Variants in MAPK8 observed in about 807,000 individuals in gnomAD.
MAPK8 encodes the protein JUN N-terminal kinase.
In MAPK8, 13 loss-of-function variants were observed where a neutral mutation model predicts 52.9. That is an observed-to-expected ratio of 0.25 (90% CI 0.16 to 0.39). The LOEUF (loss-of-function observed/expected upper bound fraction) is 0.39, where lower values mean the gene tolerates loss of function less well. MAPK8 is among the 10% of genes least tolerant of loss of function. The pLI is 1.00. For missense variants in MAPK8, 300 were observed against 519.2 expected (o/e 0.58, Z 4.10); for synonymous variants, 191 against 169.8 (o/e 1.12, Z -0.97).
At chr10:48,404,135 A>G (rs1283857998) in intron 2 of MAPK8, among the ~76,000 whole-genome samples, 1 of 150,796 alleles carries the variant, frequency 6.6e-6, no homozygotes, top group African/African-American at 2.4e-5. Context: ...GTGTTTACAT[A>G]GAATTATTCA....
Position 48,437,724 on chromosome 10 carries a change from G to T in MAPK8, c.*2695G>T, listed in dbSNP as rs1017025343. ...CCTTTGGCTGCTAATTGTTCCTGAC[G>T]TGCACTCTTCCGAGTTGGTAAAGGC... On this transcript the variant is annotated 3_prime_UTR_variant, in exon 12 of 12. Coordinates refer to ENST00000374189, the MANE Select transcript of MAPK8 (RefSeq NM_001323329.2). The T allele has an allele frequency of 6.6e-6, 1 of 152,284 alleles. No individual in the cohort carries two copies. Among genetic ancestry groups the T allele is most frequent in the African/African-American group, 2.4e-5 (1 of 41,554 alleles). 9.4% of individuals were successfully genotyped at this position (152,284 alleles called of 1,614,324 possible).
intron 1 of MAPK8, among the ~76,000 whole-genome samples, chr10:48,320,211 CTTTTTTT>C (rs71026206): frequency 6.2e-4 from 22 of 35,314 alleles, no homozygotes; most frequent in East Asian, 2.2e-3. Flanking sequence ...ACTGCTCGGC[CTTTTTTT>C]TTTTTTTTTT....
Position 48,372,948 on chromosome 10 carries a change from T to A in MAPK8, c.-49-28664T>A, listed in dbSNP as rs573132533. Among the ~76,000 whole-genome samples the A allele has an allele frequency of 1.5e-3, 224 of 151,884 alleles. 1 individual carries two copies. Among genetic ancestry groups the A allele is most frequent in the Non-Finnish European group, 2.5e-3 (167 of 67,932 alleles). ...ACACATAATTGCCAATTCATCAAGG[T>A]TGAAATGAAGGAAAAAATCTTAAGG... On this transcript the variant is annotated intron_variant, in intron 1 of 11. Coordinates refer to ENST00000374189, the MANE Select transcript of MAPK8 (RefSeq NM_001323329.2).
intron 5 of MAPK8, among the ~76,000 whole-genome samples, chr10:48,414,568 ATTTTTTTTTTTTT>A (rs3047769): frequency 3.4e-5 from 3 of 88,446 alleles, no homozygotes; most frequent in African/African-American, 9.4e-5. Flanking sequence ...GTTGAAAAGA[ATTTTTTTTTTTTT>A]TTTTTTTTTT....
chr10:48,371,490 G>A (rs1848522458), intron 1 of MAPK8, among the ~76,000 whole-genome samples: 1 of 152,034 alleles, frequency 6.6e-6, no homozygotes, highest in African/African-American at 2.4e-5. Flanking sequence ...ACTTTACTGT[G>A]TTATAGTTTA....
intron 10 of MAPK8, among the ~76,000 whole-genome samples, chr10:48,428,320 G>A (rs1175832562): frequency 6.6e-6 from 1 of 152,132 alleles, no homozygotes; most frequent in Admixed American, 6.5e-5. Context: ...GTCCTTCAGT[G>A]TTTTGACCAC....
chr10:48,385,517 G>A (rs1190768423), intron 1 of MAPK8, among the ~76,000 whole-genome samples: 2 of 152,082 alleles, frequency 1.3e-5, no homozygotes, highest in Non-Finnish European at 2.9e-5. Context: ...ATGATTAGAC[G>A]AGAAATACTT....
intron 1 of MAPK8, among the ~76,000 whole-genome samples, chr10:48,356,899 CAAAAAAAAAAA>C (rs201368039): frequency 2.1e-5 from 1 of 47,242 alleles, no homozygotes; most frequent in South Asian, 7.6e-4. Context: ...CGTAGTTTAC[CAAAAAAAAAAA>C]AAAAAAAAGT....
At chr10:48,378,682 A>G (rs1043736143) in intron 1 of MAPK8, among the ~76,000 whole-genome samples, 1 of 152,040 alleles carries the variant, frequency 6.6e-6, no homozygotes, top group Non-Finnish European at 1.5e-5. Context: ...TAGTTTTCTT[A>G]TGAAACGTGA....
intron 1 of MAPK8, among the ~76,000 whole-genome samples, chr10:48,386,655 G>T (rs2041329934): frequency 6.6e-6 from 1 of 152,082 alleles, no homozygotes; most frequent in African/African-American, 2.4e-5. Context: ...ACTTATATTT[G>T]TTATTGTTTA....
chr10:48,378,136 C>T (rs772995610), intron 1 of MAPK8, among the ~76,000 whole-genome samples: 4 of 152,122 alleles, frequency 2.6e-5, no homozygotes, highest in Non-Finnish European at 4.4e-5. Context: ...TCTTTCTTCT[C>T]GAAAGCATTG....
intron 1 of MAPK8, among the ~76,000 whole-genome samples, chr10:48,326,538 C>T (rs1843540801): frequency 6.6e-6 from 1 of 152,000 alleles, no homozygotes; most frequent in Admixed American, 6.5e-5. Flanking sequence ...GATCTAGGTG[C>T]CCTTGTTGCT....
intron 1 of MAPK8, among the ~76,000 whole-genome samples, chr10:48,376,184 T>TA (rs2040649784): frequency 6.6e-6 from 1 of 152,168 alleles, no homozygotes; most frequent in South Asian, 2.1e-4. Context: ...TGGCTAGCCA[T>TA]ATGCAGAAAG....
At chr10:48,428,799 G>C (rs757839480) in intron 10 of MAPK8, among the ~76,000 whole-genome samples, 1 of 151,974 alleles carries the variant, frequency 6.6e-6, no homozygotes, top group Non-Finnish European at 1.5e-5. Flanking sequence ...GTAGAATCTT[G>C]TGGTTTTTTT....
intron 1 of MAPK8, among the ~76,000 whole-genome samples, chr10:48,345,733 T>C (rs1845708496): frequency 2.6e-5 from 4 of 152,034 alleles, no homozygotes; most frequent in African/African-American, 9.7e-5. Flanking sequence ...CCAGATAATA[T>C]CACAGTAAAA....
chr10:48,388,936 T>C (rs1054063142), intron 1 of MAPK8, among the ~76,000 whole-genome samples: 15 of 152,020 alleles, frequency 9.9e-5, no homozygotes, highest in Non-Finnish European at 1.6e-4. Context: ...GAAAAGTGTA[T>C]GTCCGGAGAG....
chr10:48,392,637 A>G (rs925349970), intron 1 of MAPK8, among the ~76,000 whole-genome samples: 5 of 151,316 alleles, frequency 3.3e-5, no homozygotes, highest in Non-Finnish European at 5.9e-5. Context: ...TGAGAAACCT[A>G]TTTTCTTTCT....
rs1164186950 is a variant in MAPK8 at position 48,338,544 on chromosome 10, A to G, written c.-50+31723A>G. Among the ~76,000 whole-genome samples the G allele has an allele frequency of 4.6e-5, 7 of 152,262 alleles. No homozygotes were observed. The South Asian group carries it at 1.4e-3, about 32-fold the overall frequency. On this transcript the variant is annotated intron_variant, in intron 1 of 11. Transcript: ENST00000374189. ...CAAGACAAGGATGTCCACTCTCACCATTCCTTTTCAACATAGTACTAGAAG... is the reference window on the plus strand; with the variant it reads ...CAAGACAAGGATGTCCACTCTCACCGTTCCTTTTCAACATAGTACTAGAAG...
chr10:48,316,100 A>G (rs569042942), intron 1 of MAPK8, among the ~76,000 whole-genome samples: 9 of 152,364 alleles, frequency 5.9e-5, no homozygotes, highest in African/African-American at 1.9e-4. Flanking sequence ...TAGTGAATGT[A>G]GGATTAGCAG....
Sources: allele counts gnomAD v4.1 joint callset (sites outside exome capture counted in the v4.1 genomes callset), GRCh38; gene constraint gnomAD v4.1.1; transcripts MANE v1.5; gene names NCBI Gene and HGNC (gene_info 2026-07-23, HGNC 2026-07-21).